The following CNST variants were observed in gnomAD, a reference collection of about 807,000 sequenced individuals.
CNST encodes consortin.
CNST carries 39 observed loss-of-function variants against 72.4 expected under a neutral mutation model. The observed-to-expected ratio is 0.54, with a 90% CI of 0.42 to 0.70. The LOEUF (loss-of-function observed/expected upper bound fraction) is 0.70. Ranked by LOEUF, CNST falls within the 30% of genes least tolerant of loss-of-function variation. The pLI is 0.00. For synonymous variants in CNST, 332 were observed against 320.1 expected (o/e 1.04, Z -0.40); for missense variants, 871 against 868.5 (o/e 1.00, Z -0.04).
At chr1:246,571,591 T>C (rs980705310) in intron 1 of CNST, among the ~76,000 whole-genome samples, 2 of 152,232 alleles carry the variant, frequency 1.3e-5, no homozygotes, top group African/African-American at 2.4e-5. Flanking sequence ...GGAAAGACAG[T>C]GTGTGCCTAT....
chr1:246,642,133 G>GTTTT (rs74163469), intron 8 of CNST, 96 bp downstream of exon 8: 54 of 187,456 alleles, frequency 2.9e-4, no homozygotes, highest in South Asian at 4.2e-4. Context: ...AAAGGATCTG[G>GTTTT]TTTTTTTTTT....
At position 246,608,876 on chromosome 1, in the gene CNST, G is replaced by A. The variant is rs1242461022; in HGVS notation, c.380-12553G>A. ...AACACTCAAGTGCAAGAATAGTGTCGCCATGTTGTATGCCTAGTAAATTCT... is the reference window on the plus strand; with the variant it reads ...AACACTCAAGTGCAAGAATAGTGTCACCATGTTGTATGCCTAGTAAATTCT... On this transcript the variant is annotated intron_variant, in intron 2 of 10. Transcript: ENST00000366513. Among the ~76,000 whole-genome samples the A allele has an allele frequency of 3.9e-5, 6 of 152,188 alleles. No individual in the cohort carries two copies. The East Asian group carries it at 9.6e-4, about 24-fold the overall frequency.
chr1:246,651,503 C>T (rs907018829), intron 9 of CNST, among the ~76,000 whole-genome samples: 3 of 152,134 alleles, frequency 2.0e-5, no homozygotes, highest in African/African-American at 7.2e-5. Context: ...TGGTTTTGAT[C>T]ATCATTGCCA....
chr1:246,660,154 T>C (rs1296286353), intron 9 of CNST, 45 bp from the exon 10 acceptor site: 2 of 1,550,632 alleles, frequency 1.3e-6, no homozygotes, highest in Non-Finnish European at 8.7e-7. Flanking sequence ...TGTAGAGATG[T>C]CCCGCCTTAA....
chr1:246,645,424 C>CTTT (rs1553384186), intron 8 of CNST, among the ~76,000 whole-genome samples: 82 of 106,066 alleles, frequency 7.7e-4, no homozygotes, highest in Non-Finnish European at 1.1e-3. Flanking sequence ...AAGGTTAAAA[C>CTTT]TTTTTTTTTT....
At chr1:246,581,420 C>T (rs540559502) in intron 1 of CNST, among the ~76,000 whole-genome samples, 12 of 152,310 alleles carry the variant, frequency 7.9e-5, no homozygotes, top group African/African-American at 1.9e-4. Context: ...TGCGCCTCCA[C>T]GCCTGGCTGA....
intron 2 of CNST, among the ~76,000 whole-genome samples, chr1:246,592,945 G>A (rs1661644467): frequency 1.3e-5 from 2 of 152,070 alleles, no homozygotes; most frequent in Non-Finnish European, 2.9e-5. Flanking sequence ...GAAACATATG[G>A]GACTAGAAAG....
intron 10 of CNST, among the ~76,000 whole-genome samples, chr1:246,663,056 C>T (rs1222713157): frequency 6.6e-6 from 1 of 152,090 alleles, no homozygotes; most frequent in Non-Finnish European, 1.5e-5. Context: ...AAGAAAAGCA[C>T]GTAAGGCATG....
rs1014697280 is a variant in CNST, at chr1:246,619,521, T to C, written c.380-1908T>C. Among the ~76,000 whole-genome samples, 11 of 152,146 alleles carry C rather than the reference T, an allele frequency of 7.2e-5. 1 individual carries two copies. The highest frequency in any genetic ancestry group is 2.6e-4 in the Admixed American group (4 of 15,270). Reference sequence around the variant, plus strand: ...CGTTGATGTGAAATAGAAGATGACATCTTAAACCAATTACTGTACTGCAAC... The same window carrying C: ...CGTTGATGTGAAATAGAAGATGACACCTTAAACCAATTACTGTACTGCAAC... On this transcript the variant is annotated intron_variant, in intron 2 of 10. Transcript: ENST00000366513.
Position 246,634,607 on chromosome 1 carries a change from G to A in CNST, c.818+20G>A. ...TCAAGAGTAAGTATATCAGAATTTC[G>A]TTAGAATGAGTTGGAGTAGAATATT... On this transcript the variant is annotated intron_variant, in intron 6 of 10. Coordinates refer to ENST00000366513, the MANE Select transcript of CNST (RefSeq NM_152609.3). 6 of 1,297,728 alleles carry A rather than the reference G, an allele frequency of 4.6e-6. No individual in the cohort carries two copies. The highest frequency in any genetic ancestry group is 4.1e-5 in the Admixed American group (2 of 48,894). The allele number at this position is 1,297,728 out of a possible 1,614,324, so 80.4% of individuals were successfully genotyped here. A position where few individuals can be genotyped will look rare whatever the true frequency, so the allele number is the denominator to read the frequency against.
intron 9 of CNST, 141 bp downstream of exon 9, chr1:246,648,178 T>G (rs566036100): frequency 1.5e-5 from 21 of 1,422,640 alleles, no homozygotes; most frequent in Non-Finnish European, 1.8e-5. Context: ...CTTTTAATTA[T>G]TAGTAGTTTT....
At position 246,634,480 on chromosome 1, in the gene CNST, A is replaced by G; in HGVS notation, c.711A>G (p.Lys237=). 6.4e-7 allele frequency: 1 copy of G among 1,570,328 alleles called. No individual in the cohort carries two copies. The highest frequency in any genetic ancestry group is 2.3e-5 in the East Asian group (1 of 44,298). ...LSAIQEQWET[K]WKTVQPHTVT... ...CAAATACTTTAAATTTAGAAACAAA[A>G]TGGAAAACTGTGCAACCACATACAG... The change falls in exon 6 of 11, where the codon AAA becomes AAG. Residue 237 remains lysine, a synonymous_variant. Coordinates refer to ENST00000366513, the MANE Select transcript of CNST (RefSeq NM_152609.3).
intron 1 of CNST, among the ~76,000 whole-genome samples, chr1:246,577,844 G>A (rs1660526321): frequency 6.6e-6 from 1 of 151,968 alleles, no homozygotes; most frequent in Non-Finnish European, 1.5e-5. Flanking sequence ...TCATTTCTTT[G>A]CGTTTTTACT....
At chr1:246,605,549 G>A (rs145466170) in intron 2 of CNST, among the ~76,000 whole-genome samples, 4,367 of 152,150 alleles carry the variant, frequency 0.029, 211 homozygotes, top group African/African-American at 0.1. Context: ...ACATGAGGAC[G>A]GGGCAGGGGT....
intron 2 of CNST, among the ~76,000 whole-genome samples, chr1:246,618,879 C>T (rs991234783): frequency 6.6e-6 from 1 of 152,064 alleles, no homozygotes; most frequent in African/African-American, 2.4e-5. Flanking sequence ...TTTTTGATCT[C>T]CTTTGGAAAG....
In CNST at chr1:246,668,022, G is replaced by C. The variant is rs1013618964; in HGVS notation, c.*2117G>C. ...CAGTGGTGTCTCAGAGAAACCATGG[G>C]TGTCCTCGCCACTTCCCAGGGAGGG... is the stretch of plus-strand genomic sequence containing the variant. On this transcript the variant is annotated 3_prime_UTR_variant, in exon 11 of 11. Coordinates refer to ENST00000366513, the MANE Select transcript of CNST (RefSeq NM_152609.3). 2.0e-5 allele frequency: 3 copies of C among 152,168 alleles called. No homozygotes were observed. The highest frequency in any genetic ancestry group is 7.2e-5 in the African/African-American group (3 of 41,416). 9.4% of individuals were successfully genotyped at this position (152,168 alleles called of 1,614,324 possible). A position where few individuals can be genotyped will look rare whatever the true frequency, so the allele number is the denominator to read the frequency against.
intron 1 of CNST, among the ~76,000 whole-genome samples, chr1:246,578,116 G>C (rs747032857): frequency 7.6e-4 from 116 of 152,160 alleles, no homozygotes; most frequent in Non-Finnish European, 7.1e-4. Flanking sequence ...CCGTTCATAT[G>C]CCTGGGCTAT....
chr1:246,580,897 C>T (rs1299931007), intron 1 of CNST, among the ~76,000 whole-genome samples: 1 of 152,074 alleles, frequency 6.6e-6, no homozygotes, highest in Non-Finnish European at 1.5e-5. Context: ...CGCGCCACCA[C>T]ACCCGGCTAA....
At chr1:246,635,927 G>A (rs774652835) in intron 6 of CNST, among the ~76,000 whole-genome samples, 85 of 152,288 alleles carry the variant, frequency 5.6e-4, no homozygotes, top group Non-Finnish European at 1.0e-3. Context: ...GCCTGCTTTG[G>A]AAGTAAAACG....
Sources: gnomAD v4.1 joint callset for allele counts (sites outside exome capture counted in the v4.1 genomes callset) on GRCh38, gnomAD v4.1.1 for gene constraint, MANE v1.5 for transcripts, NCBI Gene and HGNC (gene_info 2026-07-23, HGNC 2026-07-21) for gene names.